Variants in DSCAML1 observed in about 807,000 individuals in gnomAD.
The protein encoded by DSCAML1 is DS cell adhesion molecule like 1.
DSCAML1 carries 38 observed loss-of-function variants against 200.5 expected under a neutral mutation model. The observed-to-expected ratio is 0.19, with a 90% CI of 0.15 to 0.25. DSCAML1 has a LOEUF of 0.25. Among genes scored for constraint, DSCAML1 ranks in the 10% least tolerant of loss-of-function variants. The pLI is 1.00. For synonymous variants in DSCAML1, 1,215 were observed against 1,165.0 expected (o/e 1.04, Z -0.87); for missense variants, 2,223 against 2,858.8 (o/e 0.78, Z 5.07).
chr11:117,648,596 A>G (rs182419432), intron 3 of DSCAML1, among the ~76,000 whole-genome samples: 15 of 152,238 alleles, frequency 9.9e-5, no homozygotes, highest in Admixed American at 8.5e-4. Flanking sequence ...CCCTTTCATC[A>G]TGGGTCACAG....
At chr11:117,452,843 G>A (rs138264180) in intron 19 of DSCAML1, among the ~76,000 whole-genome samples, 2 of 152,034 alleles carry the variant, frequency 1.3e-5, no homozygotes, top group African/African-American at 4.8e-5. Flanking sequence ...TAATATCAAT[G>A]GGCACTTTTC....
intron 2 of DSCAML1, among the ~76,000 whole-genome samples, chr11:117,778,521 A>G (rs2134048979): frequency 6.6e-6 from 1 of 152,362 alleles, no homozygotes; most frequent in East Asian, 1.9e-4. Flanking sequence ...TCATTTATGA[A>G]AGGAAATCAC....
At chr11:117,562,230 G>T (rs1174735840) in intron 3 of DSCAML1, among the ~76,000 whole-genome samples, 2 of 152,168 alleles carry the variant, frequency 1.3e-5, no homozygotes, top group Non-Finnish European at 2.9e-5. Flanking sequence ...AGGAGCTCAA[G>T]CTCCAGTTAC....
At chr11:117,596,405 C>A (rs1294748812) in intron 3 of DSCAML1, among the ~76,000 whole-genome samples, 1 of 150,284 alleles carries the variant, frequency 6.7e-6, no homozygotes, top group African/African-American at 2.5e-5. Flanking sequence ...AAAAAAAAAT[C>A]TCAGTAGGAC....
intron 3 of DSCAML1, among the ~76,000 whole-genome samples, chr11:117,733,813 A>C (rs543641737): frequency 5.9e-4 from 90 of 151,440 alleles, no homozygotes; most frequent in Non-Finnish European, 1.1e-3. Flanking sequence ...TGTCTGGAGA[A>C]GTCATCTTCC....
chr11:117,530,291 A>G (rs985568791), intron 4 of DSCAML1, among the ~76,000 whole-genome samples: 1 of 152,050 alleles, frequency 6.6e-6, no homozygotes, highest in East Asian at 1.9e-4. Flanking sequence ...CACCCAGGAG[A>G]CTAGAGGATG....
At chr11:117,440,920 CAAAAAAAA>C (rs1170541792) in intron 21 of DSCAML1, among the ~76,000 whole-genome samples, 3 of 41,112 alleles carry the variant, frequency 7.3e-5, no homozygotes, top group African/African-American at 2.7e-4. Flanking sequence ...GACTCTGTCT[CAAAAAAAA>C]AAAAAAAAAA....
intron 3 of DSCAML1, among the ~76,000 whole-genome samples, chr11:117,773,046 G>A (rs548670383): frequency 1.3e-5 from 2 of 152,360 alleles, no homozygotes; most frequent in South Asian, 4.1e-4. Flanking sequence ...AAAAGCTGGT[G>A]AGAGTTTCCT....
In DSCAML1 at chr11:117,610,396, G is replaced by T. The variant is rs373285487; in HGVS notation, c.512-77874C>A. ...TACGAACAGGTAGAAGGGTGGTGCA[G>T]ATTCTTAGCTGGTCTTCTGACAAAT... On this transcript the variant is annotated intron_variant, in intron 3 of 32. Coordinates refer to ENST00000651296, the MANE Select transcript of DSCAML1 (RefSeq NM_020693.4). Among the ~76,000 whole-genome samples, 115 of 152,272 alleles carry T rather than the reference G, an allele frequency of 7.6e-4. 2 individuals carry two copies. In the South Asian group the frequency reaches 8.9e-3, roughly 12 times the overall value.
chr11:117,723,512 A>G (rs2054073356), intron 3 of DSCAML1, among the ~76,000 whole-genome samples: 1 of 152,202 alleles, frequency 6.6e-6, no homozygotes, highest in Admixed American at 6.5e-5. Context: ...GTATTTTACA[A>G]AAAAAGAGAG....
intron 3 of DSCAML1, among the ~76,000 whole-genome samples, chr11:117,744,174 A>T (rs888303055): frequency 6.6e-6 from 1 of 152,186 alleles, no homozygotes; most frequent in African/African-American, 2.4e-5. Flanking sequence ...CCTGCAAGGT[A>T]AGTACTGTTA....
chr11:117,600,380 G>C (rs951882643), intron 3 of DSCAML1, among the ~76,000 whole-genome samples: 1 of 152,142 alleles, frequency 6.6e-6, no homozygotes, highest in Non-Finnish European at 1.5e-5. Context: ...ATGCATAAAG[G>C]GATTTACGGT....
At chr11:117,438,319 G>GT (rs2047966301) in intron 24 of DSCAML1, among the ~76,000 whole-genome samples, 1 of 81,528 alleles carries the variant, frequency 1.2e-5, no homozygotes, top group Admixed American at 1.1e-4. Flanking sequence ...TCCAGCCCCC[G>GT]GCGGGTCTGA....
intron 3 of DSCAML1, among the ~76,000 whole-genome samples, chr11:117,543,270 C>T (rs886532004): frequency 4.6e-5 from 7 of 152,156 alleles, no homozygotes; most frequent in Non-Finnish European, 8.8e-5. Flanking sequence ...GCTGAATGTG[C>T]CTGCAAGGGA....
intron 3 of DSCAML1, among the ~76,000 whole-genome samples, chr11:117,665,342 T>C (rs1368406227): frequency 3.9e-5 from 6 of 152,216 alleles, no homozygotes; most frequent in African/African-American, 1.2e-4. Flanking sequence ...TTCTTTTCTG[T>C]AAAATGAGGC....
intron 3 of DSCAML1, among the ~76,000 whole-genome samples, chr11:117,579,890 T>G (rs1049616539): frequency 1.3e-5 from 2 of 152,222 alleles, no homozygotes; most frequent in East Asian, 1.9e-4. Context: ...TGTTATCCCA[T>G]GTAAAGGTTT....
chr11:117,454,110 G>A (rs538298641), intron 19 of DSCAML1, among the ~76,000 whole-genome samples: 5 of 151,904 alleles, frequency 3.3e-5, no homozygotes, highest in Admixed American at 6.6e-5. Flanking sequence ...TTTATCTTCC[G>A]CTCCATTCTC....
chr11:117,619,120 A>G (rs1250063165), intron 3 of DSCAML1, among the ~76,000 whole-genome samples: 2 of 152,190 alleles, frequency 1.3e-5, no homozygotes, highest in Non-Finnish European at 2.9e-5. Flanking sequence ...GCCTGTGCCC[A>G]GCCCATCTGT....
At chr11:117,467,460 C>T (rs1481305420) in intron 16 of DSCAML1, among the ~76,000 whole-genome samples, 1 of 151,960 alleles carries the variant, frequency 6.6e-6, no homozygotes, top group Non-Finnish European at 1.5e-5. Flanking sequence ...TTTTATTGTA[C>T]TAAAAAATAG....
Sources: gnomAD v4.1 joint callset for allele counts (sites outside exome capture counted in the v4.1 genomes callset) on GRCh38, gnomAD v4.1.1 for gene constraint, MANE v1.5 for transcripts, NCBI Gene and HGNC (gene_info 2026-07-23, HGNC 2026-07-21) for gene names.